Variants in SH3PXD2B observed in about 807,000 individuals in gnomAD.
SH3PXD2B encodes SH3 and PX domain-containing protein 2B.
A neutral mutation model predicts 73.1 loss-of-function variants in SH3PXD2B; 37 were observed. The observed-to-expected ratio is 0.51, with a 90% confidence interval of 0.39 to 0.67. The LOEUF (loss-of-function observed/expected upper bound fraction) is 0.67. Among genes scored for constraint, SH3PXD2B ranks in the 30% least tolerant of loss-of-function variants. SH3PXD2B has a pLI of 0.00. For missense variants in SH3PXD2B, 1,053 were observed against 1,197.8 expected (o/e 0.88, Z 1.78); for synonymous variants, 457 against 480.5 (o/e 0.95, Z 0.64).
intron 6 of SH3PXD2B, among the ~76,000 whole-genome samples, chr5:172,368,471 T>TA (rs1306343463): frequency 9.4e-4 from 23 of 24,342 alleles, no homozygotes; most frequent in African/African-American, 4.2e-3. Context: ...ATATATATTA[T>TA]ATATATATAT....
chr5:172,418,918 C>G (rs191107816), intron 2 of SH3PXD2B, among the ~76,000 whole-genome samples: 1 of 152,310 alleles, frequency 6.6e-6, no homozygotes, highest in East Asian at 1.9e-4. Flanking sequence ...GGCCTTGGGA[C>G]AGGAAGACCC....
intron 12 of SH3PXD2B, among the ~76,000 whole-genome samples, chr5:172,327,005 C>T (rs78123172): frequency 1.3e-5 from 2 of 151,060 alleles, no homozygotes; most frequent in East Asian, 2.0e-4. Context: ...TACAGGCATG[C>T]GCCACCACCA....
intron 12 of SH3PXD2B, among the ~76,000 whole-genome samples, chr5:172,342,227 T>G (rs560398751): frequency 6.6e-6 from 1 of 152,326 alleles, no homozygotes; most frequent in African/African-American, 2.4e-5. Flanking sequence ...GGTATTTTGT[T>G]ATGGCAGCCA....
downstream of SH3PXD2B, among the ~76,000 whole-genome samples, chr5:172,330,147 T>C (rs150274098): frequency 8.7e-4 from 133 of 152,350 alleles, no homozygotes; most frequent in African/African-American, 3.0e-3. Context: ...GAGTGCTTCA[T>C]TGAGGATTTC....
chr5:172,361,856 C>T (rs1278946440), intron 7 of SH3PXD2B, among the ~76,000 whole-genome samples: 1 of 152,188 alleles, frequency 6.6e-6, no homozygotes, highest in African/African-American at 2.4e-5. Context: ...GAAACATCAT[C>T]TTTCTCCTCT....
At chr5:172,340,319 TC>T (rs921349342) in intron 12 of SH3PXD2B, among the ~76,000 whole-genome samples, 2 of 152,190 alleles carry the variant, frequency 1.3e-5, no homozygotes, top group African/African-American at 4.8e-5. Flanking sequence ...AGACAGTGCC[TC>T]AGAACGGGTC....
chr5:172,380,752 G>A (rs891401118), intron 5 of SH3PXD2B, among the ~76,000 whole-genome samples: 1 of 152,218 alleles, frequency 6.6e-6, no homozygotes, highest in Admixed American at 6.5e-5. Flanking sequence ...AAGGTTTACT[G>A]TTGCCTCTTA....
intron 7 of SH3PXD2B, among the ~76,000 whole-genome samples, chr5:172,361,119 TATG>T (rs1161106092): frequency 6.6e-6 from 1 of 151,856 alleles, no homozygotes; most frequent in Non-Finnish European, 1.5e-5. Context: ...ACATACAAAA[TATG>T]ATGTGTTTGT....
chr5:172,347,292 G>C lies in SH3PXD2B; in HGVS notation c.1053C>G (p.Asp351Glu). ...KMRQRPPPRR[D>E]MTIPRGLNLP... ...GCGAGGATCCACTTACAATGGTCAT[G>C]TCCCGGCGAGGAGGGGGTCTCTGCC... The change falls in exon 11 of 13, where the codon GAC (aspartate) becomes GAG (glutamate). Residue 351 changes from aspartate (D) to glutamate (E), a missense_variant. By Grantham distance (45) the Asp-to-Glu change is conservative. Transcript: ENST00000311601. 1 of 1,614,172 alleles carries C rather than the reference G, an allele frequency of 6.2e-7. No individual in the cohort carries two copies. The highest frequency in any genetic ancestry group is 8.5e-7 in the Non-Finnish European group (1 of 1,180,020).
chr5:172,440,241 C>T (rs943996823), intron 1 of SH3PXD2B, among the ~76,000 whole-genome samples: 3 of 152,242 alleles, frequency 2.0e-5, no homozygotes, highest in Admixed American at 2.0e-4. Flanking sequence ...TCAAAGCTGT[C>T]TTCAAGGAGC....
intron 5 of SH3PXD2B, among the ~76,000 whole-genome samples, chr5:172,374,317 T>C (rs1298043838): frequency 2.0e-5 from 3 of 152,108 alleles, no homozygotes; most frequent in Non-Finnish European, 4.4e-5. Context: ...GACACTACTA[T>C]GGGCTAGAAT....
downstream of SH3PXD2B, among the ~76,000 whole-genome samples, chr5:172,329,079 A>ATTTTTT (rs1386540665): frequency 2.0e-3 from 130 of 64,432 alleles, no homozygotes; most frequent in African/African-American, 4.3e-3. Flanking sequence ...ATATATATAT[A>ATTTTTT]TATATTTTTT....
At chr5:172,389,678 G>T (rs1758136194) in intron 4 of SH3PXD2B, among the ~76,000 whole-genome samples, 1 of 151,818 alleles carries the variant, frequency 6.6e-6, no homozygotes, top group Admixed American at 6.6e-5. Context: ...GTGAACCAAG[G>T]TCACCCTACT....
chr5:172,342,206 C>A (rs999679843), intron 12 of SH3PXD2B, among the ~76,000 whole-genome samples: 1 of 152,172 alleles, frequency 6.6e-6, no homozygotes, highest in Non-Finnish European at 1.5e-5. Flanking sequence ...GTTGTTTAAG[C>A]CACCCAGTCT....
At position 172,360,036 on chromosome 5, in the gene SH3PXD2B, T is replaced by C. The variant is rs906469161; in HGVS notation, c.563-1159A>G. ...CCTATTCGGAACCTAAAGAAAGCAA[T>C]GGGGCCCTGTCGATCCCTTGATTTT... On this transcript the variant is annotated intron_variant, in intron 7 of 12. Transcript: ENST00000311601. Among the ~76,000 whole-genome samples the C allele has an allele frequency of 2.6e-5, 4 of 152,136 alleles. 1 individual carries two copies. The highest frequency in any genetic ancestry group is 9.7e-5 in the African/African-American group (4 of 41,430).
At chr5:172,402,673 C>T (rs1331856753) in intron 3 of SH3PXD2B, among the ~76,000 whole-genome samples, 3 of 152,136 alleles carry the variant, frequency 2.0e-5, no homozygotes, top group African/African-American at 7.2e-5. Flanking sequence ...TGGGTTCCCC[C>T]AATAGGGGGA....
intron 6 of SH3PXD2B, among the ~76,000 whole-genome samples, chr5:172,368,568 A>ACATATAT (rs1757605348): frequency 1.0e-4 from 2 of 19,162 alleles, no homozygotes; most frequent in African/African-American, 8.9e-4. Flanking sequence ...ATATATATAA[A>ACATATAT]ATATGTTATA....
intron 8 of SH3PXD2B, among the ~76,000 whole-genome samples, chr5:172,357,550 CCTGTTTCCTCAT>C (rs1216468677): frequency 6.6e-6 from 1 of 152,106 alleles, no homozygotes; most frequent in Non-Finnish European, 1.5e-5. Context: ...CCTCTCAGAC[CCTGTTTCCTCAT>C]CTGTAAAATG....
At chr5:172,396,016 C>T (rs1284282643) in intron 3 of SH3PXD2B, among the ~76,000 whole-genome samples, 1 of 151,852 alleles carries the variant, frequency 6.6e-6, no homozygotes, top group African/African-American at 2.4e-5. Flanking sequence ...ATGGCTATCT[C>T]CACAGATCAA....
Sources: allele counts gnomAD v4.1 joint callset (sites outside exome capture counted in the v4.1 genomes callset), GRCh38; gene constraint gnomAD v4.1.1; transcripts MANE v1.5; gene names NCBI Gene and HGNC (gene_info 2026-07-23, HGNC 2026-07-21).